The following STX8 variants were observed in gnomAD, a reference collection of about 807,000 sequenced individuals.
STX8 encodes syntaxin-8.
Under a neutral mutation model 37.5 loss-of-function variants are expected in STX8, and 23 were observed. The ratio of observed to expected loss-of-function variants is 0.61; its 90% CI spans 0.44 to 0.87. The LOEUF is 0.87. Among genes scored for constraint, STX8 ranks in the 40% least tolerant of loss-of-function variants. STX8 has a pLI of 0.00. For synonymous variants in STX8, 115 were observed against 99.1 expected (o/e 1.16, Z -0.95); for missense variants, 313 against 284.7 (o/e 1.10, Z -0.71).
Position 9,284,678 on chromosome 17 carries a change from GA to G in STX8, c.644-34034del, listed in dbSNP as rs560409082. On this transcript the variant is annotated intron_variant, in intron 7 of 7. Transcript: ENST00000306357. ...AAACATACTTTTTGAAATAATCAGG[GA>G]AAAAAATAAGTTTAAAGTTTCCTCT... Among the ~76,000 whole-genome samples, 18 of 152,046 alleles carry G rather than the reference GA, an allele frequency of 1.2e-4. 1 individual carries two copies. The highest frequency in any genetic ancestry group is 3.9e-4 in the Admixed American group (6 of 15,268).
chr17:9,522,281 TAC>T (rs1905370646), intron 4 of STX8, among the ~76,000 whole-genome samples: 1 of 152,190 alleles, frequency 6.6e-6, no homozygotes, highest in Non-Finnish European at 1.5e-5. Flanking sequence ...ATCTGCTGGT[TAC>T]AGTTTAGTTA....
At chr17:9,378,709 G>C in intron 6 of STX8, 56 bp from the exon 7 acceptor site, 1 of 1,297,330 alleles carries the variant, frequency 7.7e-7, no homozygotes, top group South Asian at 1.2e-5. Context: ...TCACATCACA[G>C]TATCACAGCT....
intron 7 of STX8, among the ~76,000 whole-genome samples, chr17:9,268,412 G>A (rs995081851): frequency 6.6e-6 from 1 of 152,150 alleles, no homozygotes; most frequent in South Asian, 2.1e-4. Flanking sequence ...AAGAGCAAAG[G>A]GGCAGTCAGG....
At chr17:9,529,296 T>G (rs1243086382) in intron 4 of STX8, among the ~76,000 whole-genome samples, 1 of 152,212 alleles carries the variant, frequency 6.6e-6, no homozygotes, top group Non-Finnish European at 1.5e-5. Flanking sequence ...CACACGCATG[T>G]GTGTGTATCT....
Position 9,441,213 on chromosome 17 carries a change from T to C in STX8, c.541+50616A>G, listed in dbSNP as rs148061027. ...CTTTAGAAATTTAGTCAAATACGGC[T>C]GGGCACGGTGGCTCACACCTGTAAT... On this transcript the variant is annotated intron_variant, in intron 6 of 7. Transcript: ENST00000306357. 3.6e-4 allele frequency among the ~76,000 whole-genome samples: 54 copies of C among 151,880 alleles called. No individual in the cohort carries two copies. In the East Asian group the frequency reaches 9.9e-3, roughly 28 times the overall value.
At chr17:9,362,865 A>AAATAAATT (rs56709199) in intron 7 of STX8, among the ~76,000 whole-genome samples, 23,957 of 147,014 alleles carry the variant, frequency 0.16, 2,206 homozygotes, top group Non-Finnish European at 0.21. Flanking sequence ...ATAAATAAAT[A>AAATAAATT]ATCTCTTTCT....
intron 3 of STX8, among the ~76,000 whole-genome samples, chr17:9,548,062 C>T (rs983373718): frequency 4.0e-5 from 6 of 151,736 alleles, no homozygotes; most frequent in African/African-American, 1.5e-4. Flanking sequence ...GCTGGGATTA[C>T]AAGCATGAGC....
chr17:9,478,167 G>A (rs1230159526), intron 6 of STX8, among the ~76,000 whole-genome samples: 2 of 152,110 alleles, frequency 1.3e-5, no homozygotes, highest in Non-Finnish European at 2.9e-5. Context: ...ACGGAGTCTA[G>A]CTCTGTCGCC....
At chr17:9,506,217 C>T (rs1267009058) in intron 4 of STX8, among the ~76,000 whole-genome samples, 12 of 152,014 alleles carry the variant, frequency 7.9e-5, no homozygotes, top group Admixed American at 7.9e-4. Flanking sequence ...CTCCTCTCCC[C>T]ACCTGTCTGC....
At chr17:9,397,225 G>C (rs151181000) in intron 6 of STX8, among the ~76,000 whole-genome samples, 1 of 152,084 alleles carries the variant, frequency 6.6e-6, no homozygotes, top group Admixed American at 6.5e-5. Flanking sequence ...GTGAAAACCC[G>C]TCTCTACTAA....
intron 4 of STX8, among the ~76,000 whole-genome samples, chr17:9,533,220 G>A (rs1237546784): frequency 1.3e-5 from 2 of 152,166 alleles, no homozygotes; most frequent in Non-Finnish European, 1.5e-5. Context: ...GTAATGCCAC[G>A]GCTTTCGGTG....
At chr17:9,520,209 C>A (rs1260658646) in intron 4 of STX8, among the ~76,000 whole-genome samples, 1 of 152,172 alleles carries the variant, frequency 6.6e-6, no homozygotes, top group East Asian at 1.9e-4. Context: ...AAGCATTTAA[C>A]ATTTTTATCT....
intron 7 of STX8, among the ~76,000 whole-genome samples, chr17:9,267,916 G>A (rs141450031): frequency 0.012 from 1,860 of 151,788 alleles, 18 homozygotes; most frequent in Non-Finnish European, 0.02. Flanking sequence ...ACTTGAACCC[G>A]GGAGGCGGAG....
At chr17:9,547,857 A>G (rs1423480254) in intron 3 of STX8, among the ~76,000 whole-genome samples, 1 of 149,292 alleles carries the variant, frequency 6.7e-6, no homozygotes, top group Admixed American at 6.7e-5. Flanking sequence ...CAGTGTTGCA[A>G]CCTTGGCTCA....
At chr17:9,443,602 A>G (rs983782200) in intron 6 of STX8, among the ~76,000 whole-genome samples, 1 of 152,120 alleles carries the variant, frequency 6.6e-6, no homozygotes, top group Non-Finnish European at 1.5e-5. Flanking sequence ...CCACAGAACC[A>G]CAGTCATTGT....
intron 6 of STX8, among the ~76,000 whole-genome samples, chr17:9,401,302 C>G (rs1013054654): frequency 1.3e-5 from 2 of 152,098 alleles, no homozygotes; most frequent in African/African-American, 4.8e-5. Flanking sequence ...TATGTTATTT[C>G]TAAGTTAGGT....
chr17:9,316,860 G>C (rs1909398615), intron 7 of STX8, among the ~76,000 whole-genome samples: 1 of 152,174 alleles, frequency 6.6e-6, no homozygotes, highest in African/African-American at 2.4e-5. Context: ...ATTCCAGGTA[G>C]ATAGTGTCCA....
At chr17:9,282,017 G>T (rs1395300411) in intron 7 of STX8, among the ~76,000 whole-genome samples, 5 of 152,220 alleles carry the variant, frequency 3.3e-5, no homozygotes, top group Non-Finnish European at 5.9e-5. Context: ...CCACTCTCCT[G>T]TTGGAGGCCT....
At chr17:9,315,985 A>G (rs1909370429) in intron 7 of STX8, among the ~76,000 whole-genome samples, 1 of 150,626 alleles carries the variant, frequency 6.6e-6, no homozygotes, top group Admixed American at 6.6e-5. Context: ...ACTGCACTCC[A>G]GCCTGGGTGA....
Sources: allele counts gnomAD v4.1 joint callset (sites outside exome capture counted in the v4.1 genomes callset), GRCh38; gene constraint gnomAD v4.1.1; transcripts MANE v1.5; gene names NCBI Gene and HGNC (gene_info 2026-07-23, HGNC 2026-07-21).